The following MRE11 variants were observed in gnomAD, a reference collection of about 807,000 sequenced individuals.
MRE11 encodes MRE11 double strand break repair nuclease, also known as double-strand break repair protein MRE11.
A neutral mutation model predicts 91.7 loss-of-function variants in MRE11; 62 were observed. The observed-to-expected ratio is 0.68, with a 90% CI of 0.55 to 0.84. The LOEUF is 0.84. Among genes scored for constraint, MRE11 ranks in the 40% least tolerant of loss-of-function variants. The probability of loss-of-function intolerance (pLI) is 0.00; values close to 1 mark genes in which losing one functional copy is unlikely to be tolerated. For missense variants in MRE11, 796 were observed against 852.9 expected, an observed-to-expected ratio of 0.93 and a Z score of 0.83; for synonymous variants, 273 against 271.4, an observed-to-expected ratio of 1.01 and a Z score of -0.06.
the MRE11 span, among the ~76,000 whole-genome samples, chr11:94,505,769 C>T: frequency 1.3e-4 from 20 of 152,208 alleles, no homozygotes; most frequent in Non-Finnish European, 1.9e-4. Context: ...CTCAGAGCAA[C>T]ACCAAGTCCT....
intron 4 of MRE11, 97 bp from the exon 5 acceptor site, chr11:94,479,858 G>A (rs2135093119): frequency 1.1e-6 from 1 of 900,834 alleles, no homozygotes. Context: ...TAGGCAAACT[G>A]CATAATCTAC....
chr11:94,448,607 C>T (rs768527541), intron 14 of MRE11, among the ~76,000 whole-genome samples: 4 of 150,452 alleles, frequency 2.7e-5, no homozygotes, highest in Non-Finnish European at 4.4e-5. Context: ...TGAGACCTTG[C>T]CTAAAAAAAA....
chr11:94,472,133 A>C (rs1946733276), intron 7 of MRE11, among the ~76,000 whole-genome samples: 1 of 152,082 alleles, frequency 6.6e-6, no homozygotes, highest in South Asian at 2.1e-4. Context: ...ACACACAGAA[A>C]ATGCAAGTAA....
chr11:94,474,679 G>A (rs1324646918), intron 7 of MRE11, among the ~76,000 whole-genome samples: 1 of 152,088 alleles, frequency 6.6e-6, no homozygotes, highest in Non-Finnish European at 1.5e-5. Flanking sequence ...TTGAAAAGTA[G>A]AAAATGGGAA....
the MRE11 span, among the ~76,000 whole-genome samples, chr11:94,499,823 A>G: frequency 6.6e-6 from 1 of 152,160 alleles, no homozygotes; most frequent in African/African-American, 2.4e-5. Context: ...GATGTCCACC[A>G]AGGCTTATCT....
At chr11:94,489,212 T>C (rs1420735085) in intron 3 of MRE11, among the ~76,000 whole-genome samples, 1 of 151,808 alleles carries the variant, frequency 6.6e-6, no homozygotes, top group African/African-American at 2.4e-5. Context: ...GGAAGACGTC[T>C]CCAAAAAGGT....
In MRE11 at chr11:94,479,007, A is replaced by C. The variant is rs370788876; in HGVS notation, c.403-131T>G. ...ACATAGATGAGGATAGTGTCTTCTC[A>C]AAACAAAATTACAATAGTAAAAGTA... is the stretch of plus-strand genomic sequence containing the variant. On this transcript the variant is annotated intron_variant, in intron 5 of 19. Coordinates refer to ENST00000323929, the MANE Select transcript of MRE11 (RefSeq NM_005591.4). 2,693 of 964,602 alleles carry C rather than the reference A, an allele frequency of 2.8e-3. 95 individuals carry two copies. In the South Asian group the frequency reaches 0.038, roughly 14 times the overall value. 59.8% of individuals were successfully genotyped at this position (964,602 alleles called of 1,614,324 possible).
At position 94,440,577 on chromosome 11, in the gene MRE11, T is replaced by A. The variant is rs368510394; in HGVS notation, c.1868-3342A>T. Among the ~76,000 whole-genome samples the A allele has an allele frequency of 4.6e-5, 7 of 152,290 alleles. No individual in the cohort carries two copies. In the South Asian group the frequency reaches 1.5e-3, roughly 32 times the overall value. ...CTTTTCAATTGGGAAAATGTTAACA[T>A]TGGTTTTGAGAATCCTGAAGAAAAA... On this transcript the variant is annotated intron_variant, in intron 16 of 19. Transcript: ENST00000323929.
chr11:94,471,010 GCAGTGGACT>G (rs1197989734), intron 8 of MRE11, among the ~76,000 whole-genome samples: 2 of 151,840 alleles, frequency 1.3e-5, no homozygotes, highest in Non-Finnish European at 2.9e-5. Flanking sequence ...AAATGATTTT[GCAGTGGACT>G]CATGAAGAAA....
chr11:94,488,089 A>G lies in MRE11; in HGVS notation c.154-2005T>C, dbSNP rs12281939. ...GTTACAATTAAGGGACGCAGGGAAG[A>G]GAAACAGTAGAAGCAGAAGTGAAGG... On this transcript the variant is annotated intron_variant, in intron 3 of 19. Coordinates refer to ENST00000323929, the MANE Select transcript of MRE11 (RefSeq NM_005591.4). Among the ~76,000 whole-genome samples the G allele has an allele frequency of 7.5e-3, 1,149 of 152,328 alleles. 12 individuals carry two copies. Among genetic ancestry groups the G allele is most frequent in the African/African-American group, 0.025 (1,051 of 41,580 alleles).
intron 8 of MRE11, among the ~76,000 whole-genome samples, chr11:94,471,241 A>G (rs1355849884): frequency 6.6e-6 from 1 of 152,078 alleles, no homozygotes; most frequent in East Asian, 1.9e-4. Flanking sequence ...TTTCAATTAA[A>G]TGGTTTTAGG....
intron 7 of MRE11, among the ~76,000 whole-genome samples, chr11:94,474,453 A>G (rs553644419): frequency 5.9e-5 from 9 of 152,198 alleles, no homozygotes; most frequent in African/African-American, 2.2e-4. Context: ...ATAAATAAGT[A>G]AGTAAATAGA....
the MRE11 span, among the ~76,000 whole-genome samples, chr11:94,506,593 G>A: frequency 2.8e-5 from 4 of 140,894 alleles, no homozygotes; most frequent in Admixed American, 2.1e-4. Context: ...TGCTTTTTTT[G>A]TTTTTTTTTT....
At chr11:94,451,190 A>G (rs1946094611) in intron 14 of MRE11, among the ~76,000 whole-genome samples, 2 of 152,144 alleles carry the variant, frequency 1.3e-5, no homozygotes, top group African/African-American at 4.8e-5. Flanking sequence ...CTCGAAAAAA[A>G]GAAAGAAGGA....
chr11:94,423,689 G>A (rs1182225040), intron 19 of MRE11, among the ~76,000 whole-genome samples: 1 of 152,214 alleles, frequency 6.6e-6, no homozygotes, highest in Non-Finnish European at 1.5e-5. Flanking sequence ...TTTTGCTGGT[G>A]GTTCCACCTG....
the MRE11 span, among the ~76,000 whole-genome samples, chr11:94,507,830 G>A: frequency 6.6e-6 from 1 of 151,988 alleles, no homozygotes; most frequent in African/African-American, 2.4e-5. Flanking sequence ...TTTCTGGGAT[G>A]TGTGCACGTT....
rs1278490505 is a variant in MRE11, at chr11:94,486,043, A to G, written c.195T>C (p.Asn65=). 6.2e-7 allele frequency: 1 copy of G among 1,613,780 alleles called. No individual in the cohort carries two copies. The highest frequency in any genetic ancestry group is 8.5e-7 in the Non-Finnish European group (1 of 1,179,864). ...ILLGGDLFHE[N]KPSRKTLHTC... ...TATGTAATGTTTTCCTTGAGGGCTT[A>G]TTTTCATGAAAAAGATCACCACCTA... is the stretch of plus-strand genomic sequence containing the variant. Residue 65 remains asparagine, a synonymous_variant, in exon 4 of 20, where the codon AAT becomes AAC. Coordinates refer to ENST00000323929, the MANE Select transcript of MRE11 (RefSeq NM_005591.4).
In MRE11 at chr11:94,415,792, A is replaced by C. The variant is rs1287587463; in HGVS notation, c.*4333T>G. On this transcript the variant is annotated 3_prime_UTR_variant, in exon 20 of 20. Transcript: ENST00000323929. ...AGGGGGCTAAAACATGTAGCTATACAATCTGGGGTTCTTATCGATTGATGG... is the reference window on the plus strand; with the variant it reads ...AGGGGGCTAAAACATGTAGCTATACCATCTGGGGTTCTTATCGATTGATGG... 1.3e-5 allele frequency: 2 copies of C among 152,232 alleles called. No individual in the cohort carries two copies. The highest frequency in any genetic ancestry group is 2.9e-5 in the Non-Finnish European group (2 of 68,052). 9.4% of individuals were successfully genotyped at this position (152,232 alleles called of 1,614,324 possible).
chr11:94,477,850 G>A (rs1354885154), intron 6 of MRE11, among the ~76,000 whole-genome samples: 1 of 152,176 alleles, frequency 6.6e-6, no homozygotes, highest in African/African-American at 2.4e-5. Flanking sequence ...GTGGAGCAAG[G>A]AGAACAGTGA....
Sources: gnomAD v4.1 joint callset for allele counts (sites outside exome capture counted in the v4.1 genomes callset) on GRCh38, gnomAD v4.1.1 for gene constraint, MANE v1.5 for transcripts, NCBI Gene and HGNC (gene_info 2026-07-23, HGNC 2026-07-21) for gene names.